Variants in ROS1 observed in about 807,000 individuals in gnomAD.
The protein encoded by ROS1 is proto-oncogene tyrosine-protein kinase ROS.
A neutral mutation model predicts 273.5 loss-of-function variants in ROS1; 263 were observed. The observed-to-expected ratio is 0.96, with a 90% confidence interval of 0.87 to 1.06. The LOEUF is 1.06. Among genes scored for constraint, ROS1 ranks in the 50% least tolerant of loss-of-function variants. ROS1 has a pLI of 0.00. For synonymous variants in ROS1, 1,008 were observed against 954.1 expected (o/e 1.06, Z -1.04); for missense variants, 2,833 against 2,751.1 (o/e 1.03, Z -0.67).
At chr6:117,409,728 G>T in intron 4 of ROS1, 86 bp from the exon 5 acceptor site, 2 of 976,560 alleles carry the variant, frequency 2.0e-6, no homozygotes, top group Non-Finnish European at 3.3e-6. Context: ...AAATCCGAAT[G>T]CCTAATATGC....
At chr6:117,363,100 T>C in intron 21 of ROS1, among the ~76,000 whole-genome samples, 1 of 152,192 alleles carries the variant, frequency 6.6e-6, no homozygotes. Flanking sequence ...CTTCCTTATG[T>C]TCAACTCAAA....
intron 5 of ROS1, among the ~76,000 whole-genome samples, chr6:117,407,222 C>T (rs934852316): frequency 6.6e-6 from 1 of 152,090 alleles, no homozygotes; most frequent in African/African-American, 2.4e-5. Context: ...GCCACTGAGT[C>T]AAGAACTACA....
At chr6:117,303,389 G>A (rs948643265) in intron 42 of ROS1, among the ~76,000 whole-genome samples, 1 of 152,218 alleles carries the variant, frequency 6.6e-6, no homozygotes, top group African/African-American at 2.4e-5. Flanking sequence ...CCCCTCTCCA[G>A]AGGTGACATT....
intron 18 of ROS1, among the ~76,000 whole-genome samples, chr6:117,370,119 G>A (rs1303768464): frequency 6.6e-6 from 1 of 151,930 alleles, no homozygotes; most frequent in Non-Finnish European, 1.5e-5. Flanking sequence ...CTTTTTCAGG[G>A]TCTCCATGAC....
rs1385235953 is a variant in ROS1 at position 117,396,923 on chromosome 6, A to T, written c.798T>A (p.Thr266=). ...SFQFYSTLPN[T]IYRFSIAAVN... ...TATCACTTAATTCTTACCTGTAGAT[A>T]GTATTTGGTAAAGTGGAGTAAAACT... The change falls in exon 8 of 44, where the codon ACT becomes ACA. Residue 266 remains threonine, a synonymous_variant. Transcript: ENST00000368507. 5.0e-6 allele frequency: 8 copies of T among 1,609,382 alleles called. No homozygotes were observed. The highest frequency in any genetic ancestry group is 6.8e-6 in the Non-Finnish European group (8 of 1,175,818).
At chr6:117,332,785 C>A (rs1002850323) in intron 32 of ROS1, among the ~76,000 whole-genome samples, 2 of 152,148 alleles carry the variant, frequency 1.3e-5, no homozygotes, top group Non-Finnish European at 2.9e-5. Flanking sequence ...TAAATAAGTT[C>A]TTTGAAACAA....
intron 5 of ROS1, 57 bp downstream of exon 5, chr6:117,409,525 G>C: frequency 8.2e-7 from 1 of 1,217,868 alleles, no homozygotes. Flanking sequence ...CTTTACATAA[G>C]TACAAGTCAC....
chr6:117,357,657 A>T (rs1454530123), intron 25 of ROS1, 147 bp downstream of exon 25: 2 of 544,912 alleles, frequency 3.7e-6, no homozygotes. Context: ...ATTTATATGA[A>T]GAACTACTTA....
chr6:117,305,679 C>A (rs1258786959), intron 42 of ROS1, among the ~76,000 whole-genome samples: 1 of 152,112 alleles, frequency 6.6e-6, no homozygotes, highest in Non-Finnish European at 1.5e-5. Flanking sequence ...AATAAACTGG[C>A]AATGGAATGA....
rs935499338 is a variant in ROS1, at chr6:117,396,108, G to C, written c.883+80C>G. 137 of 970,624 alleles carry C rather than the reference G, an allele frequency of 1.4e-4. 1 individual carries two copies. In the Admixed American group the frequency reaches 2.4e-3, roughly 17 times the overall value. The allele number at this position is 970,624 out of a possible 1,614,324, so 60.1% of individuals were successfully genotyped here. On this transcript the variant is annotated intron_variant, in intron 9 of 43. Transcript: ENST00000368507. ...AGAGGTGGGTCTTGAGGTCTACCAG[G>C]TGACCCAGGGCTTCTGGCTCTGAAA...
intron 28 of ROS1, 41 bp from the exon 29 acceptor site, chr6:117,342,585 A>T (rs1168222798): frequency 8.1e-7 from 1 of 1,238,428 alleles, no homozygotes; most frequent in South Asian, 1.5e-5. Flanking sequence ...TATTTTTAAC[A>T]TTTTATACAA....
At chr6:117,292,032 C>T (rs1043155765) in intron 43 of ROS1, among the ~76,000 whole-genome samples, 8 of 151,064 alleles carry the variant, frequency 5.3e-5, no homozygotes, top group African/African-American at 1.5e-4. Flanking sequence ...TGCAGTGGTG[C>T]GATCTCGGCT....
intron 1 of ROS1, among the ~76,000 whole-genome samples, chr6:117,424,148 CA>C (rs1047212833): frequency 1.2e-4 from 19 of 152,128 alleles, no homozygotes; most frequent in African/African-American, 4.3e-4. Flanking sequence ...GTTTCAGTAG[CA>C]GGGAAATTAA....
Position 117,288,791 on chromosome 6 carries a change from C to T in ROS1, c.6727G>A (p.Asp2243Asn), listed in dbSNP as rs369184938. The change falls in exon 44 of 44, where the codon GAT becomes AAT. Residue 2243 changes from aspartate to asparagine, a missense_variant. Physicochemically the swap from Asp to Asn is conservative, Grantham distance 23 (BLOSUM62 1). Transcript: ENST00000368507. Reference sequence around the variant, plus strand: ...TCATCTGAATTCAAACAAATCACATCGCCATCTTCACCTGTGAAAAAAATA... The same window carrying T: ...TCATCTGAATTCAAACAAATCACATTGCCATCTTCACCTGTGAAAAAAATA... ...INESFEGEDG[D>N]VICLNSDDIM... The T allele has an allele frequency of 1.8e-5, 29 of 1,596,674 alleles. No individual in the cohort carries two copies. The South Asian group carries it at 1.8e-4, about 10-fold the overall frequency.
intron 39 of ROS1, among the ~76,000 whole-genome samples, chr6:117,311,447 A>C (rs897865555): frequency 6.6e-6 from 1 of 152,146 alleles, no homozygotes; most frequent in Non-Finnish European, 1.5e-5. Flanking sequence ...GAACTTGCTT[A>C]AGTTACTTAA....
At chr6:117,352,231 C>G (rs979042754) in intron 27 of ROS1, among the ~76,000 whole-genome samples, 1 of 152,148 alleles carries the variant, frequency 6.6e-6, no homozygotes, top group African/African-American at 2.4e-5. Flanking sequence ...CAGGCACCTG[C>G]CACTACGCTG....
intron 27 of ROS1, among the ~76,000 whole-genome samples, chr6:117,349,010 G>T (rs1446086340): frequency 6.6e-6 from 1 of 151,940 alleles, no homozygotes; most frequent in Non-Finnish European, 1.5e-5. Context: ...CTTGGTGAAT[G>T]TTCCATGTGA....
chr6:117,350,164 C>G (rs1220081994), intron 27 of ROS1, among the ~76,000 whole-genome samples: 1 of 151,974 alleles, frequency 6.6e-6, no homozygotes, highest in Non-Finnish European at 1.5e-5. Context: ...AACATTTCTT[C>G]CAAAGCAGGT....
chr6:117,402,849 C>T (rs1161597585), intron 7 of ROS1, among the ~76,000 whole-genome samples: 2 of 149,042 alleles, frequency 1.3e-5, no homozygotes, highest in Non-Finnish European at 1.5e-5. Context: ...GATCACACCA[C>T]TGCATTCCAG....
Sources: gnomAD v4.1 joint callset for allele counts (sites outside exome capture counted in the v4.1 genomes callset) on GRCh38, gnomAD v4.1.1 for gene constraint, MANE v1.5 for transcripts, NCBI Gene and HGNC (gene_info 2026-07-23, HGNC 2026-07-21) for gene names.